MSI2: variants seen among roughly 807,000 people sequenced by gnomAD.
The protein encoded by MSI2 is musashi RNA binding protein 2.
Under a neutral mutation model 45.6 loss-of-function variants are expected in MSI2, and 17 were observed. The ratio of observed to expected loss-of-function variants is 0.37; its 90% CI spans 0.26 to 0.56. The LOEUF is 0.56. Among genes scored for constraint, MSI2 ranks in the 20% least tolerant of loss-of-function variants. MSI2 has a pLI of 0.77. For synonymous variants in MSI2, 156 were observed against 158.2 expected, an observed-to-expected ratio of 0.99 and a Z score of 0.11; for missense variants, 293 against 444.2, an observed-to-expected ratio of 0.66 and a Z score of 3.06.
At chr17:57,291,819 G>A (rs1279394944) in intron 5 of MSI2, among the ~76,000 whole-genome samples, 1 of 152,072 alleles carries the variant, frequency 6.6e-6, no homozygotes, top group Non-Finnish European at 1.5e-5. Context: ...AAGGACGGGG[G>A]AGCTGGAACT....
intron 6 of MSI2, among the ~76,000 whole-genome samples, chr17:57,423,320 G>A (rs1354066168): frequency 6.6e-6 from 1 of 152,056 alleles, no homozygotes; most frequent in Non-Finnish European, 1.5e-5. Context: ...TTTTAACCTG[G>A]GCCACACACA....
chr17:57,641,856 G>T (rs1403667143), intron 10 of MSI2, among the ~76,000 whole-genome samples: 1 of 152,230 alleles, frequency 6.6e-6, no homozygotes, highest in Non-Finnish European at 1.5e-5. Flanking sequence ...GCCACAGGCT[G>T]CTGGCACAGG....
At chr17:57,413,829 G>A (rs946143041) in intron 6 of MSI2, among the ~76,000 whole-genome samples, 1 of 152,008 alleles carries the variant, frequency 6.6e-6, no homozygotes, top group Non-Finnish European at 1.5e-5. Context: ...GCTCCGCAAT[G>A]TAGGACTGTT....
intron 7 of MSI2, among the ~76,000 whole-genome samples, chr17:57,567,314 A>G (rs2087759330): frequency 6.6e-6 from 1 of 152,238 alleles, no homozygotes; most frequent in Non-Finnish European, 1.5e-5. Context: ...ACATTTCTGT[A>G]GCTTTTTGTA....
At chr17:57,398,760 C>T (rs995358932) in intron 5 of MSI2, among the ~76,000 whole-genome samples, 8 of 152,234 alleles carry the variant, frequency 5.3e-5, no homozygotes, top group African/African-American at 1.9e-4. Flanking sequence ...TAGTGGATTA[C>T]ATTCCACATT....
At chr17:57,583,484 G>GTTTTTTTTTTT (rs2088258122) in intron 7 of MSI2, among the ~76,000 whole-genome samples, 1 of 83,220 alleles carries the variant, frequency 1.2e-5, no homozygotes, top group African/African-American at 5.0e-5. Context: ...TTCTCCCAAT[G>GTTTTTTTTTTT]TTTCTTTTTT....
At chr17:57,265,606 T>G (rs1416409212) in intron 5 of MSI2, 1 of 152,224 alleles carries the variant, frequency 6.6e-6, no homozygotes, top group African/African-American at 2.4e-5. Flanking sequence ...CCCTTTGCGA[T>G]GTAAATGTTC....
chr17:57,484,421 CG>C lies in MSI2; in HGVS notation c.406-45253del, dbSNP rs886956389. 8.5e-5 allele frequency among the ~76,000 whole-genome samples: 13 copies of C among 152,174 alleles called. 1 individual carries two copies. The highest frequency in any genetic ancestry group is 1.8e-4 in the Non-Finnish European group (12 of 68,018). On this transcript the variant is annotated intron_variant, in intron 6 of 13. Coordinates refer to ENST00000284073, the MANE Select transcript of MSI2 (RefSeq NM_138962.4). Reference sequence around the variant, plus strand: ...GATTCCTCAAATATTTCTTCCCCCTCGGAACTCAGTACTGTCAGCCTCAACA... The same window carrying C: ...GATTCCTCAAATATTTCTTCCCCCTCGAACTCAGTACTGTCAGCCTCAACA...
rs572988360 is a variant in MSI2 at position 57,296,914 on chromosome 17, G to A, written c.312+34722G>A. On this transcript the variant is annotated intron_variant, in intron 5 of 13. Transcript: ENST00000284073. ...TTTTGAGATGGAGTCTCACTCTGTC[G>A]CCCAGGCTGGAGTGCAGTGGCGCGA... Among the ~76,000 whole-genome samples the A allele has an allele frequency of 4.4e-4, 67 of 152,178 alleles. 2 individuals are homozygous for A. In the South Asian group the frequency reaches 0.013, roughly 29 times the overall value.
intron 7 of MSI2, among the ~76,000 whole-genome samples, chr17:57,553,563 G>C (rs1238418917): frequency 6.6e-6 from 1 of 152,164 alleles, no homozygotes; most frequent in African/African-American, 2.4e-5. Context: ...AGGAGATGGG[G>C]GAGCTTTCCT....
chr17:57,668,068 G>A (rs557361846), intron 11 of MSI2, among the ~76,000 whole-genome samples: 48 of 152,202 alleles, frequency 3.2e-4, no homozygotes, highest in Middle Eastern at 3.4e-3. Flanking sequence ...ATTTGATGCC[G>A]CACACCTGTA....
At chr17:57,493,897 T>C (rs1336832372) in intron 6 of MSI2, among the ~76,000 whole-genome samples, 1 of 152,110 alleles carries the variant, frequency 6.6e-6, no homozygotes, top group Non-Finnish European at 1.5e-5. Flanking sequence ...AAAGTTTTAA[T>C]TACCATTATA....
At chr17:57,375,746 T>C (rs1184630343) in intron 5 of MSI2, among the ~76,000 whole-genome samples, 1 of 152,148 alleles carries the variant, frequency 6.6e-6, no homozygotes, top group Non-Finnish European at 1.5e-5. Context: ...ATACAGCCAT[T>C]TCGGGGAATG....
chr17:57,268,552 A>T (rs62058027), intron 5 of MSI2: 2 of 145,932 alleles, frequency 1.4e-5, no homozygotes, highest in African/African-American at 5.2e-5. Flanking sequence ...AAAAAAAAAA[A>T]CCCAGCCAGG....
At chr17:57,432,126 G>T (rs1445801014) in intron 6 of MSI2, among the ~76,000 whole-genome samples, 1 of 152,166 alleles carries the variant, frequency 6.6e-6, no homozygotes, top group Non-Finnish European at 1.5e-5. Flanking sequence ...AAAAAATTGA[G>T]CTGTCTTAAT....
chr17:57,339,760 G>T (rs915052334), intron 5 of MSI2, among the ~76,000 whole-genome samples: 17 of 152,074 alleles, frequency 1.1e-4, no homozygotes, highest in African/African-American at 4.1e-4. Context: ...GTCTCCACCC[G>T]TGAGTCTCCA....
At chr17:57,450,367 T>TAAAGAAAGAAAGAA (rs144094118) in intron 6 of MSI2, 2 of 151,826 alleles carry the variant, frequency 1.3e-5, no homozygotes, top group Non-Finnish European at 1.5e-5. Context: ...TCACTTTCCT[T>TAAAGAAAGAAAGAA]AGAAAAAAAT....
At chr17:57,322,638 C>G (rs1429409705) in intron 5 of MSI2, among the ~76,000 whole-genome samples, 1 of 152,178 alleles carries the variant, frequency 6.6e-6, no homozygotes, top group Non-Finnish European at 1.5e-5. Context: ...AGCTGCATCC[C>G]TGGCCGTCAG....
intron 6 of MSI2, among the ~76,000 whole-genome samples, chr17:57,473,935 G>A (rs1033216308): frequency 2.0e-5 from 3 of 152,220 alleles, no homozygotes; most frequent in Non-Finnish European, 2.9e-5. Context: ...ACAACCAGCT[G>A]ATGGGAGCTG....
Sources: allele counts gnomAD v4.1 joint callset (sites outside exome capture counted in the v4.1 genomes callset), GRCh38; gene constraint gnomAD v4.1.1; transcripts MANE v1.5; gene names NCBI Gene and HGNC (gene_info 2026-07-23, HGNC 2026-07-21).